The following FARS2 variants were observed in gnomAD, a reference collection of about 807,000 sequenced individuals.
FARS2 encodes the protein phenylalanine--tRNA ligase, mitochondrial.
Under a neutral mutation model 46.4 loss-of-function variants are expected in FARS2, and 40 were observed. The ratio of observed to expected loss-of-function variants is 0.86; its 90% CI spans 0.67 to 1.12. The LOEUF is 1.12. FARS2 is among the 50% of genes most tolerant of loss of function. The pLI, the probability that FARS2 is intolerant of heterozygous loss-of-function variation, is 0.00. For missense variants in FARS2, 513 were observed against 567.9 expected (o/e 0.90, Z 0.98); for synonymous variants, 234 against 214.9 (o/e 1.09, Z -0.78).
In FARS2 at chr6:5,525,262, A is replaced by G. The variant is rs751747244; in HGVS notation, c.905-19918A>G. ...ATCCATTTGGTGTATTTTTAATATT[A>G]TTAGTGACTTATTGTTATGGTTAGA... On this transcript the variant is annotated intron_variant, in intron 4 of 6. Transcript: ENST00000274680. Among the ~76,000 whole-genome samples, 3 of 137,976 alleles carry G rather than the reference A, an allele frequency of 2.2e-5. 1 individual carries two copies. The highest frequency in any genetic ancestry group is 4.8e-5 in the Non-Finnish European group (3 of 61,908). 90.5% of individuals were successfully genotyped at this position (137,976 alleles called of 152,430 possible).
At chr6:5,396,882 T>A (rs550638790) in intron 2 of FARS2, among the ~76,000 whole-genome samples, 1 of 152,232 alleles carries the variant, frequency 6.6e-6, no homozygotes, top group Non-Finnish European at 1.5e-5. Flanking sequence ...ACACACAGTC[T>A]TTGAAGGCAA....
chr6:5,752,285 C>A (rs182142179), intron 6 of FARS2, among the ~76,000 whole-genome samples: 155 of 152,260 alleles, frequency 1.0e-3, no homozygotes, highest in African/African-American at 3.5e-3. Flanking sequence ...TAATTGCGGT[C>A]TGTTAGATTT....
At chr6:5,491,599 C>G (rs1767115666) in intron 4 of FARS2, among the ~76,000 whole-genome samples, 1 of 152,212 alleles carries the variant, frequency 6.6e-6, no homozygotes, top group Admixed American at 6.5e-5. Flanking sequence ...CAGTGCTTCC[C>G]CATGCTGCAG....
At chr6:5,577,518 G>C (rs1773057608) in intron 5 of FARS2, among the ~76,000 whole-genome samples, 1 of 152,126 alleles carries the variant, frequency 6.6e-6, no homozygotes, top group East Asian at 1.9e-4. Flanking sequence ...CTGAACTCGT[G>C]GCCAGGGCAG....
intron 4 of FARS2, among the ~76,000 whole-genome samples, chr6:5,494,125 TC>T (rs1767302307): frequency 2.1e-5 from 3 of 142,958 alleles, no homozygotes; most frequent in Non-Finnish European, 4.6e-5. Flanking sequence ...CTTTTTTTTT[TC>T]TTTTTTTTTT....
Position 5,771,275 on chromosome 6 carries a change from C to G in FARS2, c.1218-16C>G. On this transcript the variant is annotated splice_polypyrimidine_tract_variant and intron_variant, in intron 6 of 6. Transcript: ENST00000274680. ...TGTTCATCCCGCACTCACCTGTGTT[C>G]TCTTCCTCTCTGTAGGACGCACAAG... 6.2e-7 allele frequency: 1 copy of G among 1,614,004 alleles called. No homozygotes were observed. The highest frequency in any genetic ancestry group is 8.5e-7 in the Non-Finnish European group (1 of 1,179,908).
At chr6:5,373,283 G>T (rs906259082) in intron 2 of FARS2, among the ~76,000 whole-genome samples, 2 of 152,104 alleles carry the variant, frequency 1.3e-5, no homozygotes, top group Admixed American at 1.3e-4. Flanking sequence ...TAGGAAAACA[G>T]TGGATCTCTA....
intron 4 of FARS2, among the ~76,000 whole-genome samples, chr6:5,543,980 A>G (rs1332582504): frequency 1.3e-5 from 2 of 151,452 alleles, no homozygotes; most frequent in East Asian, 1.9e-4. Flanking sequence ...GAGCCTGGCT[A>G]TGGATTGATA....
At chr6:5,355,922 G>A (rs1012646702) in intron 1 of FARS2, among the ~76,000 whole-genome samples, 5 of 152,126 alleles carry the variant, frequency 3.3e-5, no homozygotes, top group African/African-American at 9.7e-5. Flanking sequence ...TCTAAAATCT[G>A]TTTTTAACCT....
At chr6:5,269,072 AGACTTG>A (rs1765756159) in intron 1 of FARS2, among the ~76,000 whole-genome samples, 1 of 152,212 alleles carries the variant, frequency 6.6e-6, no homozygotes. Flanking sequence ...ACAATAGCAA[AGACTTG>A]GAACCAACCC....
At chr6:5,386,598 G>A (rs977057541) in intron 2 of FARS2, among the ~76,000 whole-genome samples, 1 of 152,172 alleles carries the variant, frequency 6.6e-6, no homozygotes, top group Non-Finnish European at 1.5e-5. Flanking sequence ...AAATGGCAGG[G>A]ATGATCGATA....
chr6:5,770,155 G>T (rs1762959819), intron 6 of FARS2, among the ~76,000 whole-genome samples: 1 of 152,174 alleles, frequency 6.6e-6, no homozygotes, highest in African/African-American at 2.4e-5. Context: ...GCATCAATGG[G>T]ACTACCAGTT....
intron 1 of FARS2, among the ~76,000 whole-genome samples, chr6:5,350,971 T>C (rs2127605719): frequency 6.6e-6 from 1 of 152,360 alleles, no homozygotes. Flanking sequence ...TTTAGTAAGT[T>C]GTTACTTTCT....
At chr6:5,366,372 A>G (rs1182974139) in intron 1 of FARS2, among the ~76,000 whole-genome samples, 1 of 152,158 alleles carries the variant, frequency 6.6e-6, no homozygotes, top group Admixed American at 6.5e-5. Flanking sequence ...CTTATAGAGA[A>G]ATTCGATAGA....
At chr6:5,670,024 C>A (rs1222394963) in intron 6 of FARS2, among the ~76,000 whole-genome samples, 1 of 152,156 alleles carries the variant, frequency 6.6e-6, no homozygotes, top group Non-Finnish European at 1.5e-5. Context: ...GATTTCTGTT[C>A]ATATTCAAAC....
At position 5,528,480 on chromosome 6, in the gene FARS2, T is replaced by G. The variant is rs541755246; in HGVS notation, c.905-16700T>G. On this transcript the variant is annotated intron_variant, in intron 4 of 6. Coordinates refer to ENST00000274680, the MANE Select transcript of FARS2 (RefSeq NM_006567.5). ...AACACTCATGGCACTGATTTGCATA[T>G]GTATTTATAGGTCTTTCTCTCTCTG... Among the ~76,000 whole-genome samples, 4 of 152,326 alleles carry G rather than the reference T, an allele frequency of 2.6e-5. No homozygotes were observed. In the East Asian group the frequency reaches 7.7e-4, roughly 29 times the overall value.
chr6:5,761,964 G>A (rs1028001637), intron 6 of FARS2, among the ~76,000 whole-genome samples: 7 of 152,196 alleles, frequency 4.6e-5, no homozygotes, highest in Non-Finnish European at 1.0e-4. Context: ...CCAGTGAGCT[G>A]TTGTCTGTTT....
At chr6:5,575,909 CT>C (rs1449048788) in intron 5 of FARS2, among the ~76,000 whole-genome samples, 2 of 152,050 alleles carry the variant, frequency 1.3e-5, no homozygotes, top group Admixed American at 1.3e-4. Context: ...CTGTTTTGTC[CT>C]TTTCAATGCA....
intron 6 of FARS2, among the ~76,000 whole-genome samples, chr6:5,752,017 G>A (rs995603015): frequency 6.6e-6 from 1 of 152,132 alleles, no homozygotes; most frequent in Non-Finnish European, 1.5e-5. Flanking sequence ...AGGTGGTTTA[G>A]TGAGGAGCCA....
Sources: allele counts gnomAD v4.1 joint callset (sites outside exome capture counted in the v4.1 genomes callset), GRCh38; gene constraint gnomAD v4.1.1; transcripts MANE v1.5; gene names NCBI Gene and HGNC (gene_info 2026-07-23, HGNC 2026-07-21).